The following MCMBP variants were observed in gnomAD, a reference collection of about 807,000 sequenced individuals.
MCMBP encodes minichromosome maintenance complex binding protein, also known as mini-chromosome maintenance complex-binding protein.
A neutral mutation model predicts 81.3 loss-of-function variants in MCMBP; 31 were observed. The ratio of observed to expected loss-of-function variants is 0.38; its 90% CI spans 0.29 to 0.51. The LOEUF (loss-of-function observed/expected upper bound fraction) is 0.51. Among genes scored for constraint, MCMBP ranks in the 20% least tolerant of loss-of-function variants. The pLI is 0.87. For synonymous variants in MCMBP, 267 were observed against 275.9 expected (o/e 0.97, Z 0.32); for missense variants, 645 against 772.1 (o/e 0.84, Z 1.95).
chr10:119,868,937 T>C (rs1853567640), intron 1 of MCMBP, among the ~76,000 whole-genome samples: 1 of 152,124 alleles, frequency 6.6e-6, no homozygotes, highest in African/African-American at 2.4e-5. Flanking sequence ...TGATAAAGTC[T>C]CAGAGCAAGG....
chr10:119,838,458 T>G, intron 12 of MCMBP, 77 bp downstream of exon 12: 1 of 1,403,418 alleles, frequency 7.1e-7, no homozygotes, highest in Non-Finnish European at 9.8e-7. Flanking sequence ...CCATAGATAC[T>G]CTTCTAAAAG....
chr10:119,840,034 G>C (rs927024294), intron 11 of MCMBP, among the ~76,000 whole-genome samples: 2 of 152,114 alleles, frequency 1.3e-5, no homozygotes, highest in Non-Finnish European at 2.9e-5. Context: ...TTTGGCTTGG[G>C]AAAAGTTGTT....
At chr10:119,873,006 C>A (rs927978660), upstream of MCMBP, among the ~76,000 whole-genome samples, 3 of 151,884 alleles carry the variant, frequency 2.0e-5, no homozygotes, top group Middle Eastern at 3.2e-3. Flanking sequence ...GGGCACGCAG[C>A]GCCGCTGGAG....
In MCMBP at chr10:119,837,036, A is replaced by G; in HGVS notation, c.1409-7T>C. ...GCTGTCACATTATGAACACCTACAA[A>G]GGCAGGAAAACACTTTCAGTCATTT... On this transcript the variant is annotated splice_polypyrimidine_tract_variant and splice_region_variant and intron_variant, in intron 12 of 15. Transcript: ENST00000369077. The G allele has an allele frequency of 6.2e-7, 1 of 1,611,202 alleles. No homozygotes were observed. Among genetic ancestry groups the G allele is most frequent in the Non-Finnish European group, 8.5e-7 (1 of 1,178,910 alleles).
At chr10:119,838,251 T>C (rs924455102) in intron 12 of MCMBP, among the ~76,000 whole-genome samples, 20 of 148,220 alleles carry the variant, frequency 1.3e-4, no homozygotes, top group Non-Finnish European at 1.9e-4. Context: ...ATATGATATA[T>C]ATTAAATGAG....
intron 14 of MCMBP, among the ~76,000 whole-genome samples, chr10:119,834,299 G>C (rs373314028): frequency 6.6e-6 from 1 of 152,084 alleles, no homozygotes; most frequent in Admixed American, 6.5e-5. Context: ...CATCATAATC[G>C]AAACTGTCAA....
intron 5 of MCMBP, among the ~76,000 whole-genome samples, chr10:119,854,696 C>T (rs937001764): frequency 9.9e-5 from 15 of 151,462 alleles, no homozygotes; most frequent in African/African-American, 3.4e-4. Context: ...GTGGCTTATG[C>T]CTGTAATCCC....
chr10:119,843,241 CACTT>C lies in MCMBP; in HGVS notation c.1000+9_1000+12del, dbSNP rs1271233708. The C allele has an allele frequency of 4.3e-6, 7 of 1,612,950 alleles. No homozygotes were observed. The highest frequency in any genetic ancestry group is 4.0e-5 in the African/African-American group (3 of 74,914). On this transcript the variant is annotated intron_variant, in intron 9 of 15. Transcript: ENST00000369077. ...CAGTCGATAGTTGACTAGGCTGTAACACTTACACTTACAGGTTTTGCTCTCCTCT... is the reference window on the plus strand; with the variant it reads ...CAGTCGATAGTTGACTAGGCTGTAACACACTTACAGGTTTTGCTCTCCTCT...
At chr10:119,839,946 T>A (rs1449099782) in intron 11 of MCMBP, among the ~76,000 whole-genome samples, 2 of 152,176 alleles carry the variant, frequency 1.3e-5, no homozygotes, top group African/African-American at 4.8e-5. Flanking sequence ...GATACAAGCA[T>A]CCATTGTCTC....
chr10:119,850,489 C>A (rs982735283), intron 6 of MCMBP, among the ~76,000 whole-genome samples: 13 of 152,118 alleles, frequency 8.5e-5, no homozygotes, highest in African/African-American at 2.9e-4. Context: ...GTGGCTCAAG[C>A]CTGTAATCCC....
intron 8 of MCMBP, among the ~76,000 whole-genome samples, chr10:119,846,824 C>A (rs1407778148): frequency 1.3e-5 from 2 of 152,026 alleles, no homozygotes; most frequent in Non-Finnish European, 2.9e-5. Flanking sequence ...GGAAGCGGGC[C>A]CTCACTAGAA....
At chr10:119,857,048 C>T (rs1454915778) in intron 5 of MCMBP, among the ~76,000 whole-genome samples, 1 of 141,028 alleles carries the variant, frequency 7.1e-6, no homozygotes, top group African/African-American at 2.7e-5. Flanking sequence ...AGCAATGAGC[C>T]ATGTTTGTGC....
In MCMBP at chr10:119,855,231, T is replaced by G. The variant is rs559795485; in HGVS notation, c.430-2037A>C. Reference sequence around the variant, plus strand: ...ATCACAAGGGAAATTAGAAAATATTTTGAATTAAATGACAGTAAAAACCTA... The same window carrying G: ...ATCACAAGGGAAATTAGAAAATATTGTGAATTAAATGACAGTAAAAACCTA... On this transcript the variant is annotated intron_variant, in intron 5 of 15. Transcript: ENST00000369077. Among the ~76,000 whole-genome samples, 6 of 152,234 alleles carry G rather than the reference T, an allele frequency of 3.9e-5. No homozygotes were observed. The South Asian group carries it at 1.0e-3, about 26-fold the overall frequency.
intron 12 of MCMBP, among the ~76,000 whole-genome samples, chr10:119,838,211 C>G (rs1852313910): frequency 6.7e-6 from 1 of 148,248 alleles, no homozygotes; most frequent in Non-Finnish European, 1.5e-5. Context: ...TATATTATTG[C>G]TCCATTATAT....
At chr10:119,843,731 G>A (rs1035240009) in intron 8 of MCMBP, among the ~76,000 whole-genome samples, 32 of 151,868 alleles carry the variant, frequency 2.1e-4, no homozygotes, top group Admixed American at 9.8e-4. Flanking sequence ...ATGCGATCTT[G>A]GCTCATTGCA....
At chr10:119,852,324 A>G (rs1191219302) in intron 6 of MCMBP, among the ~76,000 whole-genome samples, 1 of 152,176 alleles carries the variant, frequency 6.6e-6, no homozygotes, top group African/African-American at 2.4e-5. Context: ...CGAATATATT[A>G]CAAATATAAA....
At chr10:119,848,150 A>T (rs1852681700) in intron 7 of MCMBP, among the ~76,000 whole-genome samples, 1 of 150,144 alleles carries the variant, frequency 6.7e-6, no homozygotes, top group Non-Finnish European at 1.5e-5. Flanking sequence ...GAATGGCCAG[A>T]AGATTTTTCA....
At position 119,847,619 on chromosome 10, in the gene MCMBP, T is replaced by C. The variant is rs1852662845; in HGVS notation, c.821A>G (p.Asp274Gly). The change falls in exon 8 of 16, where the codon GAT (aspartate) becomes GGT (glycine). Residue 274 changes from aspartate to glycine, a missense_variant. Transcript: ENST00000369077. ...VDPVLSILNNDERDASALLDP... is the reference protein window; with the variant it reads ...VDPVLSILNNGERDASALLDP... ...AAAGAGCACACAGACTCACCTTTCA[T>C]CATTATTCAGTATACTCAGCACAGG... The C allele has an allele frequency of 2.5e-6, 4 of 1,593,158 alleles. No homozygotes were observed. Among genetic ancestry groups the C allele is most frequent in the Non-Finnish European group, 3.4e-6 (4 of 1,164,816 alleles).
Position 119,849,456 on chromosome 10 carries a change from G to A in MCMBP, c.695C>T (p.Pro232Leu). The A allele has an allele frequency of 1.2e-6, 2 of 1,611,208 alleles. No homozygotes were observed. Among genetic ancestry groups the A allele is most frequent in the African/African-American group, 1.3e-5 (1 of 74,736 alleles). Residue 232 changes from proline (P) to leucine (L), a missense_variant, in exon 7 of 16, where the codon CCA becomes CTA. Transcript: ENST00000369077. ...SSPFDLNFPLPGEKGPACLVK... is the reference protein window; with the variant it reads ...SSPFDLNFPLLGEKGPACLVK... ...AAGGCATGCAGGGCCCTTCTCTCCT[G>A]GCAATGGAAAATTCAAATCAAAAGG...
Sources: allele counts gnomAD v4.1 joint callset (sites outside exome capture counted in the v4.1 genomes callset), GRCh38; gene constraint gnomAD v4.1.1; transcripts MANE v1.5; gene names NCBI Gene and HGNC (gene_info 2026-07-23, HGNC 2026-07-21).